DEDD2: variants seen among roughly 807,000 people sequenced by gnomAD.
DEDD2 encodes death effector domain containing 2.
DEDD2 carries 18 observed loss-of-function variants against 28.9 expected under a neutral mutation model. The observed-to-expected ratio is 0.62, with a 90% CI of 0.43 to 0.92. The LOEUF (loss-of-function observed/expected upper bound fraction) is 0.92, where lower values mean the gene tolerates loss of function less well. DEDD2 is among the 40% of genes least tolerant of loss of function. The probability of loss-of-function intolerance (pLI) is 0.00; values close to 1 mark genes in which losing one functional copy is unlikely to be tolerated. For missense variants in DEDD2, 411 were observed against 463.3 expected, an observed-to-expected ratio of 0.89 and a Z score of 1.04; for synonymous variants, 211 against 206.1, an observed-to-expected ratio of 1.02 and a Z score of -0.20.
chr19:42,207,597 G>A lies in DEDD2; in HGVS notation c.589+2103C>T, dbSNP rs181956905. 6.4e-4 allele frequency among the ~76,000 whole-genome samples: 98 copies of A among 152,206 alleles called. 1 individual carries two copies. The highest frequency in any genetic ancestry group is 2.2e-3 in the African/African-American group (93 of 41,522). Reference sequence around the variant, plus strand: ...GTCACTAGCTGATGCCGTCTGCTACGCTGGCTTATTTTCGAGTTATCTGTC... The same window carrying A: ...GTCACTAGCTGATGCCGTCTGCTACACTGGCTTATTTTCGAGTTATCTGTC... On this transcript the variant is annotated intron_variant, in intron 4 of 4. Coordinates refer to ENST00000596251, the MANE Select transcript of DEDD2 (RefSeq NM_133328.4).
chr19:42,215,279 G>A lies in DEDD2; in HGVS notation c.329-27C>T, dbSNP rs1287165234. 3.1e-6 allele frequency: 5 copies of A among 1,611,926 alleles called. No homozygotes were observed. In the South Asian group the frequency reaches 5.5e-5, roughly 18 times the overall value. On this transcript the variant is annotated intron_variant, in intron 2 of 4. Transcript: ENST00000596251. ...TGGAGGAAGAGAAGAACAGGAAGAA[G>A]CATTCAGCCTCCTGGCCCTAATTCC...
intron 4 of DEDD2, chr19:42,201,944 G>A (rs781228411): frequency 1.0e-5 from 4 of 398,668 alleles, no homozygotes; most frequent in African/African-American, 4.1e-5. Flanking sequence ...CCACCCAGGA[G>A]TGGTTGGCCA....
At chr19:42,209,941 C>T (rs2035689671) in intron 3 of DEDD2, 101 bp from the exon 4 acceptor site, 7 of 1,378,050 alleles carry the variant, frequency 5.1e-6, no homozygotes, top group Middle Eastern at 2.7e-4. Context: ...GTGCTGAGAC[C>T]CTGAGTGAGC....
At chr19:42,201,158 A>T (rs1336034886) in intron 4 of DEDD2, among the ~76,000 whole-genome samples, 1 of 152,236 alleles carries the variant, frequency 6.6e-6, no homozygotes, top group Non-Finnish European at 1.5e-5. Flanking sequence ...GGAGGCCAAG[A>T]GAAGTGAAGT....
chr19:42,201,498 G>A (rs568798638), intron 4 of DEDD2, among the ~76,000 whole-genome samples: 3 of 152,366 alleles, frequency 2.0e-5, no homozygotes, highest in African/African-American at 7.2e-5. Context: ...TGACCCTTGG[G>A]GATGCAGTAG....
At chr19:42,212,421 T>G (rs1439224075) in intron 3 of DEDD2, among the ~76,000 whole-genome samples, 2 of 150,744 alleles carry the variant, frequency 1.3e-5, no homozygotes, top group African/African-American at 2.4e-5. Context: ...GATCTCGTTC[T>G]GTTGCCCGGG....
chr19:42,216,781 C>T lies in DEDD2; in HGVS notation c.227G>A (p.Gly76Glu). ...LELLLELERR[G>E]QCDESNLRLL... Reference sequence around the variant, plus strand: ...CCGCAGGTTGCTCTCGTCGCACTGCCCGCGGCGCTCCAGCTCCAGCAGGAG... The same window carrying T: ...CCGCAGGTTGCTCTCGTCGCACTGCTCGCGGCGCTCCAGCTCCAGCAGGAG... The change falls in exon 2 of 5, where the codon GGG becomes GAG. Residue 76 changes from glycine to glutamate, a missense_variant. Physicochemically the swap from Gly to Glu is moderately conservative, Grantham distance 98. Coordinates refer to ENST00000596251, the MANE Select transcript of DEDD2 (RefSeq NM_133328.4). The T allele has an allele frequency of 6.3e-7, 1 of 1,589,166 alleles. No individual in the cohort carries two copies. The highest frequency in any genetic ancestry group is 8.6e-7 in the Non-Finnish European group (1 of 1,168,148).
Position 42,199,491 on chromosome 19 carries a change from G to A in DEDD2, c.928C>T (p.Arg310Cys), listed in dbSNP as rs746278607. Residue 310 changes from arginine (R) to cysteine (C), a missense_variant, in exon 5 of 5, where the codon CGC (arginine) becomes TGC (cysteine). By Grantham distance (180) the Arg-to-Cys change is radical. This residue lies in a region of DEDD2 where 129 missense variants were observed against 189.9 expected (regional missense o/e 0.68). Coordinates refer to ENST00000596251, the MANE Select transcript of DEDD2 (RefSeq NM_133328.4). This position sits in a 1 kb window ranked among gnomAD's most constrained non-coding sequence, Gnocchi z 7.4. ...CCTTCCTCCTCCATCAGCAACAGGCGGCGCCGGCCAGCCTCATAGTCAGCC... is the reference window on the plus strand; with the variant it reads ...CCTTCCTCCTCCATCAGCAACAGGCAGCGCCGGCCAGCCTCATAGTCAGCC... ...DEADYEAGRR[R>C]LLLMEEEGGR... 1.1e-5 allele frequency: 18 copies of A among 1,612,894 alleles called. No homozygotes were observed. Among genetic ancestry groups the A allele is most frequent in the East Asian group, 2.2e-5 (1 of 44,856 alleles).
intron 3 of DEDD2, among the ~76,000 whole-genome samples, chr19:42,212,895 G>A (rs2035825376): frequency 6.6e-6 from 1 of 152,112 alleles, no homozygotes; most frequent in South Asian, 2.1e-4. Context: ...CACCAAACAT[G>A]GCTATAACAT....
Position 42,216,981 on chromosome 19 carries a change from G to A in DEDD2, c.27C>T (p.Ala9=). 1.3e-6 allele frequency: 2 copies of A among 1,596,256 alleles called. No individual in the cohort carries two copies. The highest frequency in any genetic ancestry group is 1.7e-6 in the Non-Finnish European group (2 of 1,172,020). Residue 9 remains alanine (A), a synonymous_variant, in exon 2 of 5, where the codon GCC becomes GCT. Transcript: ENST00000596251. ...GGCACTCATCCTCCTCCCAGCACGG[G>A]GCCGGGGTCGACCCGGATAGCGCCA... is the stretch of plus-strand genomic sequence containing the variant. The part of the protein sequence containing the change: MALSGSTP[A]PCWEEDECLD...
intron 4 of DEDD2, among the ~76,000 whole-genome samples, chr19:42,209,406 G>C (rs1458150073): frequency 6.6e-6 from 1 of 152,130 alleles, no homozygotes; most frequent in Admixed American, 6.5e-5. Context: ...CACAAGAAAT[G>C]TCTGAATAAG....
intron 4 of DEDD2, among the ~76,000 whole-genome samples, chr19:42,204,146 TTCTCAG>T (rs2035438495): frequency 1.3e-5 from 2 of 151,626 alleles, no homozygotes; most frequent in Non-Finnish European, 2.9e-5. Flanking sequence ...TGAAATGGGC[TTCTCAG>T]TGGGGGACCA....
upstream of DEDD2, among the ~76,000 whole-genome samples, chr19:42,218,876 G>A (rs1279638868): frequency 2.0e-5 from 3 of 151,460 alleles, no homozygotes; most frequent in Non-Finnish European, 4.4e-5. Context: ...GTTCTTAGCC[G>A]GATGTGGTGG....
chr19:42,212,592 A>G (rs1439594104), intron 3 of DEDD2, among the ~76,000 whole-genome samples: 1 of 151,702 alleles, frequency 6.6e-6, no homozygotes, highest in Non-Finnish European at 1.5e-5. Context: ...AGCCTCCTGA[A>G]TAGCTGGGAC....
Position 42,199,112 on chromosome 19 carries a change from G to C in DEDD2, c.*326C>G. 1 of 359,242 alleles carries C rather than the reference G, an allele frequency of 2.8e-6. No homozygotes were observed. The highest frequency in any genetic ancestry group is 4.2e-5 in the South Asian group (1 of 24,096). The allele number at this position is 359,242 out of a possible 1,614,324, so 22.3% of individuals were successfully genotyped here. A position where few individuals can be genotyped will look rare whatever the true frequency, so the allele number is the denominator to read the frequency against. The stretch of plus-strand genomic sequence containing the variant: ...ACCTGTGACAGTGCAGACAGCCCAA[G>C]ATCAGAGATACAATGTGCAGGGGGG... On this transcript the variant is annotated 3_prime_UTR_variant, in exon 5 of 5. Transcript: ENST00000596251. This position sits in a 1 kb window ranked among gnomAD's most constrained non-coding sequence, Gnocchi z 7.4.
At chr19:42,211,069 C>CAAA (rs750942650) in intron 3 of DEDD2, among the ~76,000 whole-genome samples, 1 of 51,742 alleles carries the variant, frequency 1.9e-5, no homozygotes, top group African/African-American at 7.5e-5. Flanking sequence ...GACCCTGTCT[C>CAAA]AAAAAAAAAA....
At chr19:42,202,449 T>G (rs1293060528) in intron 4 of DEDD2, among the ~76,000 whole-genome samples, 2 of 152,164 alleles carry the variant, frequency 1.3e-5, no homozygotes, top group African/African-American at 4.8e-5. Flanking sequence ...TTGAATCCTC[T>G]CTCAGCTCGT....
Position 42,216,879 on chromosome 19 carries a change from C to T in DEDD2, c.129G>A (p.Glu43=). 2 of 1,597,442 alleles carry T rather than the reference C, an allele frequency of 1.3e-6. No individual in the cohort carries two copies. The highest frequency in any genetic ancestry group is 1.7e-6 in the Non-Finnish European group (2 of 1,172,608). ...CCTCATCCAGCAGAAAGGCCAGGAG[C>T]TCCAGCTCGCACTCGGTCAGTTGCC... The part of the protein sequence containing the change: ...VGGQLTECEL[E]LLAFLLDEAP... The change falls in exon 2 of 5, where the codon GAG becomes GAA. Residue 43 remains glutamate, a synonymous_variant. Coordinates refer to ENST00000596251, the MANE Select transcript of DEDD2 (RefSeq NM_133328.4).
chr19:42,199,306 G>T lies in DEDD2; in HGVS notation c.*132C>A, dbSNP rs2035226414. 5 of 1,313,538 alleles carry T rather than the reference G, an allele frequency of 3.8e-6. No homozygotes were observed. Among genetic ancestry groups the T allele is most frequent in the South Asian group, 1.6e-5 (1 of 64,074 alleles). The allele number at this position is 1,313,538 out of a possible 1,614,324, so 81.4% of individuals were successfully genotyped here. A position where few individuals can be genotyped will look rare whatever the true frequency, so the allele number is the denominator to read the frequency against. On this transcript the variant is annotated 3_prime_UTR_variant, in exon 5 of 5. Transcript: ENST00000596251. This position sits in a 1 kb window ranked among gnomAD's most constrained non-coding sequence, Gnocchi z 7.4. ...ATCCTGTGGGAGGGGCTGTCAAGGGGCCTGCTGTCCCGGTCCTGTCGCAGT... is the reference window on the plus strand; with the variant it reads ...ATCCTGTGGGAGGGGCTGTCAAGGGTCCTGCTGTCCCGGTCCTGTCGCAGT...
Sources: gnomAD v4.1 joint callset for allele counts (sites outside exome capture counted in the v4.1 genomes callset) on GRCh38, gnomAD v4.1.1 for gene constraint, gnomAD v4.1.1 regional missense constraint, Gnocchi (gnomAD v3.1) non-coding constraint, MANE v1.5 for transcripts, NCBI Gene and HGNC (gene_info 2026-07-23, HGNC 2026-07-21) for gene names.